RAB3C: variants seen among roughly 807,000 people sequenced by gnomAD.
RAB3C encodes the protein ras-related protein Rab-3C.
A neutral mutation model predicts 26.4 loss-of-function variants in RAB3C; 17 were observed. That is an observed-to-expected ratio of 0.64 (90% CI 0.44 to 0.97). The LOEUF is 0.97. Ranked by LOEUF, RAB3C falls within the 50% of genes least tolerant of loss-of-function variation. The pLI, the probability that RAB3C is intolerant of heterozygous loss-of-function variation, is 0.00. For missense variants in RAB3C, 242 were observed against 281.9 expected (o/e 0.86, Z 1.01); for synonymous variants, 91 against 95.9 (o/e 0.95, Z 0.30).
At chr5:58,683,976 T>C (rs1748396459) in intron 2 of RAB3C, among the ~76,000 whole-genome samples, 1 of 152,206 alleles carries the variant, frequency 6.6e-6, no homozygotes, top group Admixed American at 6.5e-5. Flanking sequence ...GCTCAACTTA[T>C]AAATTAAAAT....
rs555235218 is a variant in RAB3C at position 58,595,989 on chromosome 5, G to A, written c.24+12757G>A. Among the ~76,000 whole-genome samples, 15 of 152,174 alleles carry A rather than the reference G, an allele frequency of 9.9e-5. 1 individual carries two copies. In the South Asian group the frequency reaches 3.1e-3, roughly 32 times the overall value. On this transcript the variant is annotated intron_variant, in intron 1 of 4. Transcript: ENST00000282878. Reference sequence around the variant, plus strand: ...TTTCTAATGTTTTAAACTTACTTTTGTTTTATCTAAGTTGTATAAGGGGAA... The same window carrying A: ...TTTCTAATGTTTTAAACTTACTTTTATTTTATCTAAGTTGTATAAGGGGAA...
At chr5:58,798,972 G>A (rs931719098) in intron 3 of RAB3C, among the ~76,000 whole-genome samples, 1 of 152,172 alleles carries the variant, frequency 6.6e-6, no homozygotes, top group African/African-American at 2.4e-5. Flanking sequence ...CTGAAAGACT[G>A]CTGAGACAAT....
intron 3 of RAB3C, among the ~76,000 whole-genome samples, chr5:58,760,640 A>G (rs1741777136): frequency 6.6e-6 from 1 of 152,192 alleles, no homozygotes; most frequent in Non-Finnish European, 1.5e-5. Flanking sequence ...GATGTTTAGG[A>G]CCTAGAATAT....
Position 58,851,438 on chromosome 5 carries a change from G to A in RAB3C, c.*87G>A, listed in dbSNP as rs1744113150. On this transcript the variant is annotated 3_prime_UTR_variant, in exon 5 of 5. Coordinates refer to ENST00000282878, the MANE Select transcript of RAB3C (RefSeq NM_138453.4). ...TGGTCTATTAGCCTTCATTTATACT[G>A]CCTAACAATTATTTGAAGGAATAAA... 2.9e-6 allele frequency: 3 copies of A among 1,047,790 alleles called. No homozygotes were observed. The highest frequency in any genetic ancestry group is 5.1e-5 in the East Asian group (2 of 39,552). 64.9% of individuals were successfully genotyped at this position (1,047,790 alleles called of 1,614,324 possible).
intron 2 of RAB3C, among the ~76,000 whole-genome samples, chr5:58,667,347 G>A (rs1188510725): frequency 1.3e-5 from 2 of 152,238 alleles, no homozygotes; most frequent in East Asian, 3.9e-4. Context: ...GGAAATGAAA[G>A]GGCAGACTTA....
intron 1 of RAB3C, among the ~76,000 whole-genome samples, chr5:58,586,432 T>G (rs1746009537): frequency 6.6e-6 from 1 of 152,122 alleles, no homozygotes; most frequent in Admixed American, 6.5e-5. Context: ...GAGTCATTCA[T>G]TTGGTTCAGA....
intron 2 of RAB3C, among the ~76,000 whole-genome samples, chr5:58,625,686 G>A (rs1315726018): frequency 2.0e-5 from 3 of 151,910 alleles, no homozygotes; most frequent in Non-Finnish European, 2.9e-5. Flanking sequence ...GTGAAAACCC[G>A]TCTCTACTAA....
chr5:58,720,037 T>C lies in RAB3C; in HGVS notation c.253-5965T>C, dbSNP rs1210436241. Reference sequence around the variant, plus strand: ...TGGGGTGAGGAATTCAGTGTATATTTCTGGGGGACACAATACAACCCACAG... The same window carrying C: ...TGGGGTGAGGAATTCAGTGTATATTCCTGGGGGACACAATACAACCCACAG... On this transcript the variant is annotated intron_variant, in intron 2 of 4. Transcript: ENST00000282878. Among the ~76,000 whole-genome samples, 4 of 152,070 alleles carry C rather than the reference T, an allele frequency of 2.6e-5. No homozygotes were observed. In the East Asian group the frequency reaches 7.8e-4, roughly 29 times the overall value.
intron 3 of RAB3C, among the ~76,000 whole-genome samples, chr5:58,778,413 G>C (rs1022126942): frequency 6.6e-6 from 1 of 152,136 alleles, no homozygotes; most frequent in Non-Finnish European, 1.5e-5. Flanking sequence ...TTATCTGGGA[G>C]CTGGTTGTTT....
rs560259823 is a variant in RAB3C, at chr5:58,628,841, C to T, written c.252+10971C>T. Among the ~76,000 whole-genome samples, 19 of 152,096 alleles carry T rather than the reference C, an allele frequency of 1.2e-4. No individual in the cohort carries two copies. In the East Asian group the frequency reaches 1.6e-3, roughly 12 times the overall value. ...AGCAAGGTTCCCACACAACAACAGC[C>T]GACCCACACTGGCCTCTGACAAACA... On this transcript the variant is annotated intron_variant, in intron 2 of 4. Coordinates refer to ENST00000282878, the MANE Select transcript of RAB3C (RefSeq NM_138453.4).
intron 2 of RAB3C, among the ~76,000 whole-genome samples, chr5:58,716,161 C>A (rs1379570709): frequency 1.3e-5 from 2 of 150,526 alleles, no homozygotes; most frequent in African/African-American, 4.9e-5. Context: ...AAGATGAGAA[C>A]CAAAAGTTAA....
chr5:58,587,727 A>T (rs1175630416), intron 1 of RAB3C, among the ~76,000 whole-genome samples: 1 of 152,162 alleles, frequency 6.6e-6, no homozygotes, highest in East Asian at 1.9e-4. Flanking sequence ...CCTAATTAAT[A>T]TACCTATGCA....
chr5:58,767,792 A>G (rs1741938945), intron 3 of RAB3C, among the ~76,000 whole-genome samples: 1 of 152,210 alleles, frequency 6.6e-6, no homozygotes, highest in African/African-American at 2.4e-5. Flanking sequence ...GGCTCAGGGG[A>G]TAAAATAGAG....
At chr5:58,844,509 G>A (rs867855608) in intron 4 of RAB3C, among the ~76,000 whole-genome samples, 2 of 152,134 alleles carry the variant, frequency 1.3e-5, no homozygotes, top group Non-Finnish European at 2.9e-5. Flanking sequence ...TCTGGGCTGG[G>A]GCCCAGTAGA....
At chr5:58,781,948 C>A (rs973136982) in intron 3 of RAB3C, among the ~76,000 whole-genome samples, 6 of 151,728 alleles carry the variant, frequency 4.0e-5, no homozygotes, top group African/African-American at 1.5e-4. Flanking sequence ...TTTTTTGATT[C>A]TCCCTTCTAC....
chr5:58,710,976 T>C (rs907885628), intron 2 of RAB3C, among the ~76,000 whole-genome samples: 1 of 152,238 alleles, frequency 6.6e-6, no homozygotes, highest in Non-Finnish European at 1.5e-5. Context: ...AACACTCATA[T>C]AATTCACTAG....
At chr5:58,791,377 T>C (rs1742519305) in intron 3 of RAB3C, among the ~76,000 whole-genome samples, 1 of 151,950 alleles carries the variant, frequency 6.6e-6, no homozygotes, top group Non-Finnish European at 1.5e-5. Context: ...ACAGGAGAAA[T>C]GTGGGCTCCG....
At chr5:58,674,996 A>C (rs746752973) in intron 2 of RAB3C, among the ~76,000 whole-genome samples, 2 of 152,132 alleles carry the variant, frequency 1.3e-5, no homozygotes, top group Non-Finnish European at 2.9e-5. Flanking sequence ...TGCATTCCTC[A>C]GACCTCGTGG....
At chr5:58,735,177 C>T (rs1284979597) in intron 3 of RAB3C, among the ~76,000 whole-genome samples, 3 of 152,174 alleles carry the variant, frequency 2.0e-5, no homozygotes, top group African/African-American at 7.2e-5. Context: ...AGCAAAGTCA[C>T]CTGCAACGAG....
Sources: gnomAD v4.1 joint callset for allele counts (sites outside exome capture counted in the v4.1 genomes callset) on GRCh38, gnomAD v4.1.1 for gene constraint, MANE v1.5 for transcripts, NCBI Gene and HGNC (gene_info 2026-07-23, HGNC 2026-07-21) for gene names.